CADM2: variants seen among roughly 807,000 people sequenced by gnomAD.
CADM2 encodes immunoglobulin superfamily member 4D.
A neutral mutation model predicts 49.8 loss-of-function variants in CADM2; 12 were observed. That is an observed-to-expected ratio of 0.24 (90% CI 0.15 to 0.39). The LOEUF (loss-of-function observed/expected upper bound fraction) is 0.39. Ranked by LOEUF, CADM2 falls within the 10% of genes least tolerant of loss-of-function variation. The pLI is 1.00. For missense variants in CADM2, 378 were observed against 492.3 expected, an observed-to-expected ratio of 0.77 and a Z score of 2.20; for synonymous variants, 214 against 175.4, an observed-to-expected ratio of 1.22 and a Z score of -1.74.
chr3:85,205,094 T>C (rs2041599766), intron 1 of CADM2, among the ~76,000 whole-genome samples: 1 of 151,504 alleles, frequency 6.6e-6, no homozygotes, highest in African/African-American at 2.4e-5. Context: ...CGTGGCTCAC[T>C]GCAGCCTCCA....
intron 1 of CADM2, among the ~76,000 whole-genome samples, chr3:85,499,359 C>T (rs905777887): frequency 6.6e-6 from 1 of 151,982 alleles, no homozygotes; most frequent in African/African-American, 2.4e-5. Flanking sequence ...TAAAGATCTC[C>T]TACTGGTTAA....
At chr3:85,654,479 C>A (rs1468432279) in intron 1 of CADM2, among the ~76,000 whole-genome samples, 2 of 152,044 alleles carry the variant, frequency 1.3e-5, no homozygotes, top group African/African-American at 4.8e-5. Flanking sequence ...TGAAAGCTTG[C>A]AGAAGTTTTG....
chr3:85,694,267 T>C (rs537687924), intron 1 of CADM2, among the ~76,000 whole-genome samples: 2 of 152,304 alleles, frequency 1.3e-5, no homozygotes, highest in African/African-American at 2.4e-5. Flanking sequence ...TATTTGGAGA[T>C]AGGACCTTTA....
chr3:85,067,664 G>A lies in CADM2; in HGVS notation c.61+107996G>A, dbSNP rs138143056. 1.4e-3 allele frequency among the ~76,000 whole-genome samples: 219 copies of A among 152,178 alleles called. 1 individual carries two copies. The highest frequency in any genetic ancestry group is 4.6e-3 in the African/African-American group (191 of 41,532). On this transcript the variant is annotated intron_variant, in intron 1 of 9. Coordinates refer to ENST00000383699, the MANE Select transcript of CADM2 (RefSeq NM_001167675.2). ...TTTGTTTTTCTTCCTGAAGCATGTCGATGGATTTCCATTTTTATTTACTAT... is the reference window on the plus strand; with the variant it reads ...TTTGTTTTTCTTCCTGAAGCATGTCAATGGATTTCCATTTTTATTTACTAT...
chr3:85,769,568 TATATAC>T (rs1232443215), intron 2 of CADM2, among the ~76,000 whole-genome samples: 1 of 108,104 alleles, frequency 9.3e-6, no homozygotes, highest in Non-Finnish European at 1.7e-5. Flanking sequence ...TATATACACG[TATATAC>T]ATATATACAT....
At chr3:85,739,227 A>G (rs1296675874) in intron 2 of CADM2, among the ~76,000 whole-genome samples, 1 of 152,128 alleles carries the variant, frequency 6.6e-6, no homozygotes, top group African/African-American at 2.4e-5. Context: ...TTGACAGAAT[A>G]GAGTCATACT....
chr3:84,989,214 TA>T (rs2032753490), intron 1 of CADM2, among the ~76,000 whole-genome samples: 1 of 152,196 alleles, frequency 6.6e-6, no homozygotes, highest in Non-Finnish European at 1.5e-5. Flanking sequence ...GAAGATTTCT[TA>T]AAATCATTTA....
chr3:85,461,582 G>A (rs1034325528), intron 1 of CADM2, among the ~76,000 whole-genome samples: 4 of 152,230 alleles, frequency 2.6e-5, no homozygotes, highest in Middle Eastern at 3.4e-3. Context: ...AATATTTCTT[G>A]CACCTGTCCC....
At chr3:85,885,037 A>G (rs1374366291) in intron 4 of CADM2, among the ~76,000 whole-genome samples, 1 of 151,646 alleles carries the variant, frequency 6.6e-6, no homozygotes, top group African/African-American at 2.4e-5. Flanking sequence ...CAGAGATGAT[A>G]ATATTCTTTT....
intron 1 of CADM2, among the ~76,000 whole-genome samples, chr3:85,351,127 T>C (rs1190118320): frequency 2.0e-5 from 3 of 152,130 alleles, no homozygotes; most frequent in African/African-American, 7.2e-5. Context: ...ATGCATGAAA[T>C]CTGTTGACTG....
At chr3:85,382,004 A>G (rs1035524476) in intron 1 of CADM2, among the ~76,000 whole-genome samples, 2 of 151,894 alleles carry the variant, frequency 1.3e-5, no homozygotes, top group African/African-American at 2.4e-5. Context: ...TAATGTCATG[A>G]CAATTGGTGC....
intron 1 of CADM2, among the ~76,000 whole-genome samples, chr3:85,588,563 C>A (rs186481679): frequency 6.6e-6 from 1 of 152,116 alleles, no homozygotes; most frequent in East Asian, 1.9e-4. Flanking sequence ...TGAGAACTGC[C>A]AATACGTTAA....
At chr3:85,088,492 A>T (rs1575837525) in intron 1 of CADM2, among the ~76,000 whole-genome samples, 1 of 152,262 alleles carries the variant, frequency 6.6e-6, no homozygotes, top group East Asian at 1.9e-4. Context: ...GTTTGTCTGA[A>T]ACCACCTTTT....
chr3:85,593,358 C>G (rs148659022), intron 1 of CADM2, among the ~76,000 whole-genome samples: 1 of 151,998 alleles, frequency 6.6e-6, no homozygotes, highest in Admixed American at 6.6e-5. Context: ...AAGATTTTTA[C>G]TTTTGAATAC....
chr3:85,992,409 T>C (rs1382921521), intron 8 of CADM2: 2 of 152,144 alleles, frequency 1.3e-5, no homozygotes, highest in East Asian at 3.8e-4. Flanking sequence ...TCTAAATTTA[T>C]AAGAATAATA....
chr3:85,462,093 C>G lies in CADM2; in HGVS notation c.62-264429C>G, dbSNP rs1344175646. 6.6e-5 allele frequency among the ~76,000 whole-genome samples: 10 copies of G among 152,200 alleles called. No individual in the cohort carries two copies. The South Asian group carries it at 2.1e-3, about 32-fold the overall frequency. ...TGATCCCTTAAGACCATTTAACTCC[C>G]TTTGTTCTAATTCTGTTCCCTCAAG... On this transcript the variant is annotated intron_variant, in intron 1 of 9. Transcript: ENST00000383699.
intron 1 of CADM2, among the ~76,000 whole-genome samples, chr3:85,506,836 T>A (rs2040375587): frequency 1.3e-5 from 2 of 152,178 alleles, no homozygotes; most frequent in Non-Finnish European, 2.9e-5. Context: ...AATTCCTCTC[T>A]TTTATTAAAA....
chr3:85,247,723 A>T (rs978366161), intron 1 of CADM2, among the ~76,000 whole-genome samples: 18 of 152,066 alleles, frequency 1.2e-4, no homozygotes, highest in Non-Finnish European at 5.9e-5. Flanking sequence ...CGTTTCTAGA[A>T]TGTTTGCTGA....
At chr3:85,900,795 T>C (rs1023880382) in intron 5 of CADM2, among the ~76,000 whole-genome samples, 2 of 152,154 alleles carry the variant, frequency 1.3e-5, no homozygotes, top group Non-Finnish European at 2.9e-5. Context: ...TTTCTTCAGG[T>C]TATTTCCAAA....
Sources: gnomAD v4.1 joint callset for allele counts (sites outside exome capture counted in the v4.1 genomes callset) on GRCh38, gnomAD v4.1.1 for gene constraint, MANE v1.5 for transcripts, NCBI Gene and HGNC (gene_info 2026-07-23, HGNC 2026-07-21) for gene names.